The following MED13 variants were observed in gnomAD, a reference collection of about 807,000 sequenced individuals.
MED13 encodes the protein mediator of RNA polymerase II transcription subunit 13.
A neutral mutation model predicts 225.2 loss-of-function variants in MED13; 23 were observed. The ratio of observed to expected loss-of-function variants is 0.10; its 90% CI spans 0.07 to 0.14. The LOEUF (loss-of-function observed/expected upper bound fraction) is 0.14. Ranked by LOEUF, MED13 falls within the 10% of genes least tolerant of loss-of-function variation. The pLI, the probability that MED13 is intolerant of heterozygous loss-of-function variation, is 1.00. For synonymous variants in MED13, 942 were observed against 889.2 expected, an observed-to-expected ratio of 1.06 and a Z score of -1.06; for missense variants, 2,197 against 2,594.5, an observed-to-expected ratio of 0.85 and a Z score of 3.33.
rs2080219397 is a variant in MED13, at chr17:61,983,131, A to G, written c.2889-17T>C. Reference sequence around the variant, plus strand: ...CTTCCATCACTATCATCACCAGGGTAAAAGAAGATCAAATATATATATAAA... The same window carrying G: ...CTTCCATCACTATCATCACCAGGGTGAAAGAAGATCAAATATATATATAAA... On this transcript the variant is annotated splice_polypyrimidine_tract_variant and intron_variant, in intron 15 of 29. Coordinates refer to ENST00000397786, the MANE Select transcript of MED13 (RefSeq NM_005121.3). The G allele has an allele frequency of 6.4e-7, 1 of 1,552,836 alleles. No individual in the cohort carries two copies. The highest frequency in any genetic ancestry group is 8.7e-7 in the Non-Finnish European group (1 of 1,145,362).
chr17:61,962,777 T>C lies in MED13; in HGVS notation c.5039A>G (p.His1680Arg). The change falls in exon 21 of 30, where the codon CAT becomes CGT. Residue 1680 changes from histidine to arginine, a missense_variant. Physicochemically the swap from His to Arg is conservative, Grantham distance 29. Coordinates refer to ENST00000397786, the MANE Select transcript of MED13 (RefSeq NM_005121.3). ...FLEMVQTLPP[H>R]IKSTVSVQII... Reference sequence around the variant, plus strand: ...CTGTACAGAAACAGTACTCTTGATATGAGGAGGAAGAGTCTGGACCATTTC... The same window carrying C: ...CTGTACAGAAACAGTACTCTTGATACGAGGAGGAAGAGTCTGGACCATTTC... 1.2e-6 allele frequency: 2 copies of C among 1,614,054 alleles called. No individual in the cohort carries two copies. The highest frequency in any genetic ancestry group is 2.2e-5 in the East Asian group (1 of 44,880).
chr17:62,052,722 G>A lies in MED13; in HGVS notation c.302-17C>T, dbSNP rs749283785. The A allele has an allele frequency of 5.9e-6, 9 of 1,535,796 alleles. No homozygotes were observed. The highest frequency in any genetic ancestry group is 4.1e-5 in the African/African-American group (3 of 72,544). On this transcript the variant is annotated splice_polypyrimidine_tract_variant and intron_variant, in intron 2 of 29. Transcript: ENST00000397786. ...CTTCTTCTTCTAAAAGAGAAATGAA[G>A]GAAATAATAAAATAGTGACACTATA...
chr17:62,001,925 G>A (rs1372182118), intron 9 of MED13, among the ~76,000 whole-genome samples: 1 of 152,112 alleles, frequency 6.6e-6, no homozygotes, highest in Non-Finnish European at 1.5e-5. Flanking sequence ...CTCCTAAGAA[G>A]AGATACAAAA....
chr17:62,005,830 A>G (rs565001754), intron 9 of MED13: 88 of 152,248 alleles, frequency 5.8e-4, no homozygotes, highest in African/African-American at 2.1e-3. Flanking sequence ...TGACCTGCCC[A>G]TTTCCATCCT....
intron 8 of MED13, among the ~76,000 whole-genome samples, chr17:62,027,375 T>C (rs1256241179): frequency 6.6e-6 from 1 of 152,220 alleles, no homozygotes; most frequent in Non-Finnish European, 1.5e-5. Context: ...TATAAGTGGC[T>C]AGTCATATGC....
At chr17:62,002,709 A>G (rs111593636) in intron 9 of MED13, among the ~76,000 whole-genome samples, 8 of 152,286 alleles carry the variant, frequency 5.3e-5, no homozygotes, top group African/African-American at 1.7e-4. Flanking sequence ...CACTATAAGA[A>G]AAAAAAGCAT....
chr17:62,011,533 T>C (rs1195861434), intron 8 of MED13, among the ~76,000 whole-genome samples: 29 of 152,174 alleles, frequency 1.9e-4, no homozygotes, highest in Admixed American at 1.8e-3. Context: ...AATTTAAATA[T>C]AGAGGTAAGA....
chr17:62,041,904 G>A (rs930990263), intron 3 of MED13, among the ~76,000 whole-genome samples: 1 of 152,104 alleles, frequency 6.6e-6, no homozygotes, highest in Non-Finnish European at 1.5e-5. Flanking sequence ...TCTTAATTCT[G>A]AGATTATTTT....
chr17:61,950,821 A>G lies in MED13; in HGVS notation c.6291+4T>C. The G allele has an allele frequency of 1.2e-6, 2 of 1,607,536 alleles. No individual in the cohort carries two copies. Among genetic ancestry groups the G allele is most frequent in the South Asian group, 1.1e-5 (1 of 90,050 alleles). ...TTTAGGAACTGGGACAGAAATGGCA[A>G]TACCTTAAGAAAAAGGGGACACTGA... On this transcript the variant is annotated splice_donor_region_variant and intron_variant, in intron 28 of 29. Transcript: ENST00000397786.
At position 62,010,686 on chromosome 17, in the gene MED13, C is replaced by T; in HGVS notation, c.1831G>A (p.Ala611Thr). ...TTGTAATACTTCCAGGCTATATTGG[C>T]TTCATCTTCTTCCAAGTTTACTGCT... ...GTAVNLEEDE[A>T]NIAWKYYKFP... Residue 611 changes from alanine to threonine, a missense_variant, in exon 9 of 30, where the codon GCC becomes ACC. Physicochemically the swap from Ala to Thr is moderately conservative, Grantham distance 58. Coordinates refer to ENST00000397786, the MANE Select transcript of MED13 (RefSeq NM_005121.3). The T allele has an allele frequency of 6.4e-7, 1 of 1,553,256 alleles. No individual in the cohort carries two copies.
chr17:62,045,930 GATTT>G (rs1405376716), intron 3 of MED13, among the ~76,000 whole-genome samples: 1 of 151,984 alleles, frequency 6.6e-6, no homozygotes, highest in Non-Finnish European at 1.5e-5. Flanking sequence ...CAGAAAATGA[GATTT>G]TTTTCTTTAA....
chr17:62,039,685 G>A lies in MED13; in HGVS notation c.471-4077C>T, dbSNP rs1024910796. On this transcript the variant is annotated intron_variant, in intron 3 of 29. Coordinates refer to ENST00000397786, the MANE Select transcript of MED13 (RefSeq NM_005121.3). ...TGGCTCACTGCAAACTCCGCCTCCC[G>A]GGTTCAAGCAATTCTCTTGCCTCAG... Among the ~76,000 whole-genome samples the A allele has an allele frequency of 4.0e-5, 6 of 149,942 alleles. No homozygotes were observed. In the South Asian group the frequency reaches 6.3e-4, roughly 16 times the overall value.
At chr17:61,950,322 A>G (rs1306738700) in intron 28 of MED13, among the ~76,000 whole-genome samples, 1 of 152,192 alleles carries the variant, frequency 6.6e-6, no homozygotes, top group Non-Finnish European at 1.5e-5. Context: ...TACACTAACA[A>G]CAAGGGCCCT....
At chr17:61,977,239 T>C (rs995767335) in intron 16 of MED13, among the ~76,000 whole-genome samples, 2 of 152,034 alleles carry the variant, frequency 1.3e-5, no homozygotes, top group Non-Finnish European at 2.9e-5. Flanking sequence ...AAAAGCAAGA[T>C]GGAGAACAAG....
intron 8 of MED13, among the ~76,000 whole-genome samples, chr17:62,018,752 G>A (rs1373353947): frequency 6.6e-6 from 1 of 151,650 alleles, no homozygotes; most frequent in Non-Finnish European, 1.5e-5. Context: ...GGATGCATAC[G>A]GGTTATATGA....
chr17:62,021,276 C>T (rs1157421589), intron 8 of MED13, among the ~76,000 whole-genome samples: 13 of 148,910 alleles, frequency 8.7e-5, no homozygotes, highest in East Asian at 2.0e-4. Flanking sequence ...CGGGCAGAGG[C>T]GCCCCTCACC....
At chr17:62,009,969 C>A (rs1162448581) in intron 9 of MED13, among the ~76,000 whole-genome samples, 2 of 152,054 alleles carry the variant, frequency 1.3e-5, no homozygotes, top group East Asian at 3.9e-4. Context: ...TGCCTGTAAT[C>A]CCAACACTTC....
At chr17:62,005,361 T>G (rs1322353273) in intron 9 of MED13, 3 of 152,136 alleles carry the variant, frequency 2.0e-5, no homozygotes, top group East Asian at 3.9e-4. Context: ...ATCCCAGCAC[T>G]TGGGGAGGCT....
intron 2 of MED13, among the ~76,000 whole-genome samples, chr17:62,061,652 C>A (rs2081040134): frequency 1.3e-5 from 2 of 152,134 alleles, no homozygotes; most frequent in African/African-American, 2.4e-5. Flanking sequence ...TAAAATAACT[C>A]AAATACTATA....
Sources: allele counts gnomAD v4.1 joint callset (sites outside exome capture counted in the v4.1 genomes callset), GRCh38; gene constraint gnomAD v4.1.1; transcripts MANE v1.5; gene names NCBI Gene and HGNC (gene_info 2026-07-23, HGNC 2026-07-21).